The following BCAT1 variants were observed in gnomAD, a reference collection of about 807,000 sequenced individuals.
BCAT1 encodes the protein branched chain amino acid transaminase 1, also known as branched-chain-amino-acid aminotransferase, cytosolic.
BCAT1 carries 48 observed loss-of-function variants against 52.4 expected under a neutral mutation model. The ratio of observed to expected loss-of-function variants is 0.92; its 90% confidence interval spans 0.73 to 1.16. The LOEUF (loss-of-function observed/expected upper bound fraction) is 1.16, where lower values mean the gene tolerates loss of function less well. BCAT1 is among the 50% of genes most tolerant of loss of function. The pLI is 0.00. For missense variants in BCAT1, 451 were observed against 457.1 expected (o/e 0.99, Z 0.12); for synonymous variants, 167 against 161.3 (o/e 1.04, Z -0.27).
chr12:24,856,420 C>T lies in BCAT1; in HGVS notation c.511-6471G>A, dbSNP rs184175662. On this transcript the variant is annotated intron_variant, in intron 5 of 10. Coordinates refer to ENST00000261192, the MANE Select transcript of BCAT1 (RefSeq NM_005504.7). ...TCCCTAAAATTCCTATGTTGAAATCCTAACCCACGGTGTGACTGTATTTGG... is the reference window on the plus strand; with the variant it reads ...TCCCTAAAATTCCTATGTTGAAATCTTAACCCACGGTGTGACTGTATTTGG... Among the ~76,000 whole-genome samples the T allele has an allele frequency of 2.2e-4, 34 of 152,226 alleles. No homozygotes were observed. The Middle Eastern group carries it at 0.014, about 61-fold the overall frequency.
intron 8 of BCAT1, among the ~76,000 whole-genome samples, chr12:24,836,106 A>T (rs1166233889): frequency 2.6e-5 from 4 of 152,230 alleles, no homozygotes. Context: ...TTCTACGGCA[A>T]GCATGGTTAC....
At chr12:24,931,755 T>C (rs1375422636) in intron 1 of BCAT1, among the ~76,000 whole-genome samples, 2 of 152,250 alleles carry the variant, frequency 1.3e-5, no homozygotes, top group Non-Finnish European at 2.9e-5. Context: ...CTACCTCTGA[T>C]GCACTCTTTA....
At chr12:24,932,400 GTCAGCTGAAAGT>G (rs1943689008) in intron 1 of BCAT1, among the ~76,000 whole-genome samples, 1 of 152,194 alleles carries the variant, frequency 6.6e-6, no homozygotes, top group Non-Finnish European at 1.5e-5. Context: ...GTACTCAGGT[GTCAGCTGAAAGT>G]TCACCTTTTC....
chr12:24,941,395 T>G (rs1943846443), intron 1 of BCAT1, among the ~76,000 whole-genome samples: 1 of 152,220 alleles, frequency 6.6e-6, no homozygotes, highest in Non-Finnish European at 1.5e-5. Context: ...TACTTTACTG[T>G]TCTCTGTGTT....
At chr12:24,848,628 G>GTA (rs1246866187) in intron 6 of BCAT1, among the ~76,000 whole-genome samples, 1 of 151,988 alleles carries the variant, frequency 6.6e-6, no homozygotes, top group South Asian at 2.1e-4. Context: ...TCTATATATG[G>GTA]TATATATATG....
intron 10 of BCAT1, among the ~76,000 whole-genome samples, chr12:24,820,972 G>C (rs1940098249): frequency 6.6e-6 from 1 of 152,126 alleles, no homozygotes; most frequent in Non-Finnish European, 1.5e-5. Flanking sequence ...CCTATTGAAA[G>C]GCTGTGCAAA....
intron 5 of BCAT1, among the ~76,000 whole-genome samples, chr12:24,875,015 A>AAT (rs998140220): frequency 3.3e-5 from 5 of 151,982 alleles, no homozygotes; most frequent in Admixed American, 1.3e-4. Flanking sequence ...CCAAAAAAAA[A>AAT]AAAAAAATCA....
In BCAT1 at chr12:24,904,138, G is replaced by T. The variant is rs182329336; in HGVS notation, c.7-2253C>A. Reference sequence around the variant, plus strand: ...AAGCTCCAAAGACCACAGAGTCCAGGCAGGTCACGTACCACCATAGAGCGG... The same window carrying T: ...AAGCTCCAAAGACCACAGAGTCCAGTCAGGTCACGTACCACCATAGAGCGG... On this transcript the variant is annotated intron_variant, in intron 1 of 10. Coordinates refer to ENST00000261192, the MANE Select transcript of BCAT1 (RefSeq NM_005504.7). 3 of 152,400 alleles carry T rather than the reference G, an allele frequency of 2.0e-5. No homozygotes were observed. The East Asian group carries it at 5.8e-4, about 29-fold the overall frequency. 9.4% of individuals were successfully genotyped at this position (152,400 alleles called of 1,614,324 possible). A position where few individuals can be genotyped will look rare whatever the true frequency, so the allele number is the denominator to read the frequency against.
At chr12:24,896,975 A>G (rs1316084939) in intron 2 of BCAT1, among the ~76,000 whole-genome samples, 1 of 152,224 alleles carries the variant, frequency 6.6e-6, no homozygotes, top group Non-Finnish European at 1.5e-5. Context: ...ATTCTAACAC[A>G]AACTTTTTAT....
intron 6 of BCAT1, among the ~76,000 whole-genome samples, chr12:24,842,625 A>T (rs892176535): frequency 7.9e-5 from 12 of 152,162 alleles, no homozygotes; most frequent in Admixed American, 6.5e-5. Flanking sequence ...CATTGTTCAG[A>T]TGAGAAACTA....
chr12:24,902,794 G>A lies in BCAT1; in HGVS notation c.7-909C>T, dbSNP rs1171210095. 17 of 1,122,658 alleles carry A rather than the reference G, an allele frequency of 1.5e-5. No individual in the cohort carries two copies. In the South Asian group the frequency reaches 2.6e-4, roughly 17 times the overall value. The allele number at this position is 1,122,658 out of a possible 1,614,324, so 69.5% of individuals were successfully genotyped here. A position where few individuals can be genotyped will look rare whatever the true frequency, so the allele number is the denominator to read the frequency against. On this transcript the variant is annotated intron_variant, in intron 1 of 10. Transcript: ENST00000261192. ...CTCCAGATTTCGGGCAGGGATGCGG[G>A]GAAGGGAAGACGCCTCGCTGGAGGC...
chr12:24,877,052 G>C (rs1037151719), intron 5 of BCAT1, among the ~76,000 whole-genome samples: 3 of 152,138 alleles, frequency 2.0e-5, no homozygotes, highest in Admixed American at 6.5e-5. Flanking sequence ...TTGTCAGAGA[G>C]ACTGCAATTC....
At chr12:24,926,180 TG>T (rs1341796637) in intron 1 of BCAT1, among the ~76,000 whole-genome samples, 5 of 149,154 alleles carry the variant, frequency 3.4e-5, no homozygotes, top group Non-Finnish European at 3.0e-5. Context: ...GTCTGAGATG[TG>T]GGGAGCGCCT....
chr12:24,862,745 A>G (rs1941882581), intron 5 of BCAT1, among the ~76,000 whole-genome samples: 1 of 151,984 alleles, frequency 6.6e-6, no homozygotes, highest in Non-Finnish European at 1.5e-5. Context: ...TATGAGCCCC[A>G]TCATTCTTCA....
At chr12:24,821,628 T>C (rs758097035) in intron 10 of BCAT1, among the ~76,000 whole-genome samples, 1 of 152,220 alleles carries the variant, frequency 6.6e-6, no homozygotes, top group Non-Finnish European at 1.5e-5. Context: ...TGTTTGGTGT[T>C]TCACTTGCCC....
At chr12:24,896,538 G>A (rs561358386) in intron 2 of BCAT1, among the ~76,000 whole-genome samples, 2 of 152,280 alleles carry the variant, frequency 1.3e-5, no homozygotes, top group South Asian at 4.1e-4. Flanking sequence ...GGAGGCCGAG[G>A]CGGGTGGATC....
At chr12:24,893,713 C>T (rs930242679) in intron 3 of BCAT1, among the ~76,000 whole-genome samples, 1 of 152,076 alleles carries the variant, frequency 6.6e-6, no homozygotes, top group Non-Finnish European at 1.5e-5. Context: ...CAATGAGAAT[C>T]AAGACAATGG....
chr12:24,933,401 C>G (rs1298151843), intron 1 of BCAT1, among the ~76,000 whole-genome samples: 1 of 152,090 alleles, frequency 6.6e-6, no homozygotes, highest in Non-Finnish European at 1.5e-5. Flanking sequence ...AGCTGGGGCT[C>G]ACACACCTGC....
chr12:24,880,334 G>A (rs1260768010), intron 4 of BCAT1, among the ~76,000 whole-genome samples: 1 of 152,214 alleles, frequency 6.6e-6, no homozygotes, highest in Non-Finnish European at 1.5e-5. Context: ...GCGTGCACTT[G>A]TAATCCCAGA....
Sources: allele counts gnomAD v4.1 joint callset (sites outside exome capture counted in the v4.1 genomes callset), GRCh38; gene constraint gnomAD v4.1.1; transcripts MANE v1.5; gene names NCBI Gene and HGNC (gene_info 2026-07-23, HGNC 2026-07-21).